Variants in ITIH5 observed in about 807,000 individuals in gnomAD.
The protein encoded by ITIH5 is inter-alpha-trypsin inhibitor heavy chain H5.
A neutral mutation model predicts 77.5 loss-of-function variants in ITIH5; 65 were observed. The ratio of observed to expected loss-of-function variants is 0.84; its 90% CI spans 0.69 to 1.03. ITIH5 has a LOEUF of 1.03. Ranked by LOEUF, ITIH5 falls within the 50% of genes least tolerant of loss-of-function variation. The pLI is 0.00. For synonymous variants in ITIH5, 525 were observed against 494.3 expected (o/e 1.06, Z -0.82); for missense variants, 1,208 against 1,213.1 (o/e 1.00, Z 0.06).
rs745843621 is a variant in ITIH5 at position 7,576,445 on chromosome 10, C to G, written c.1978+8G>C. On this transcript the variant is annotated splice_region_variant and intron_variant, in intron 10 of 13. Coordinates refer to ENST00000397146, the MANE Select transcript of ITIH5 (RefSeq NM_030569.7). ...CCCCCACACCTGGCTGGCACAGGTG[C>G]CTCGTACCTGGCTGCGTGCCAGCTC... is the stretch of plus-strand genomic sequence containing the variant. 6 of 1,561,958 alleles carry G rather than the reference C, an allele frequency of 3.8e-6. No individual in the cohort carries two copies. In the African/African-American group the frequency reaches 6.7e-5, roughly 18 times the overall value.
intron 2 of ITIH5, among the ~76,000 whole-genome samples, chr10:7,653,349 G>A (rs1036102386): frequency 3.3e-5 from 5 of 152,092 alleles, no homozygotes; most frequent in Non-Finnish European, 7.3e-5. Flanking sequence ...TGGGATTACA[G>A]GCATACACCA....
At chr10:7,609,711 C>T (rs772903942) in intron 7 of ITIH5, among the ~76,000 whole-genome samples, 8 of 152,166 alleles carry the variant, frequency 5.3e-5, no homozygotes, top group African/African-American at 9.7e-5. Flanking sequence ...TCAAAGGCTA[C>T]GTGGGAACCC....
intron 7 of ITIH5, among the ~76,000 whole-genome samples, chr10:7,612,164 A>T (rs548077922): frequency 7.9e-5 from 12 of 152,228 alleles, no homozygotes; most frequent in Non-Finnish European, 1.5e-4. Context: ...ACATGAAGAC[A>T]GTCATCCCGA....
rs755157309 is a variant in ITIH5, at chr10:7,666,788, C to G, written c.90+15G>C. The G allele has an allele frequency of 6.9e-5, 111 of 1,598,720 alleles. No homozygotes were observed. Among genetic ancestry groups the G allele is most frequent in the Non-Finnish European group, 8.4e-5 (98 of 1,172,820 alleles). On this transcript the variant is annotated intron_variant, in intron 1 of 13. Coordinates refer to ENST00000397146, the MANE Select transcript of ITIH5 (RefSeq NM_030569.7). ...CGGCCGCGCCCGGGACCCGGCTCCC[C>G]TCGGCTCCACTTACCTGCTCCGAAG...
rs1833357730 is a variant in ITIH5, at chr10:7,616,016, C to T, written c.905G>A (p.Ser302Asn). Residue 302 changes from serine to asparagine, a missense_variant, in exon 7 of 14, where the codon AGC (serine) becomes AAC (asparagine). By Grantham distance (46) the Ser-to-Asn change is conservative (BLOSUM62 1). Coordinates refer to ENST00000397146, the MANE Select transcript of ITIH5 (RefSeq NM_030569.7). ...LPKNVVFVLD[S>N]SASMVGTKLR... The stretch of plus-strand genomic sequence containing the variant: ...TTTGGTTCCCACCATAGAAGCACTG[C>T]TGTCAAGCACGAATACCACATTCTT... 1 of 1,612,744 alleles carries T rather than the reference C, an allele frequency of 6.2e-7. No homozygotes were observed. Among genetic ancestry groups the T allele is most frequent in the South Asian group, 1.1e-5 (1 of 91,014 alleles).
intron 1 of ITIH5, 35 bp downstream of exon 1, chr10:7,666,768 G>T: frequency 6.4e-7 from 1 of 1,568,812 alleles, no homozygotes; most frequent in Non-Finnish European, 8.7e-7. Context: ...GGGGGCGGCC[G>T]CGCCCGGGAC....
rs959977872 is a variant in ITIH5 at position 7,586,041 on chromosome 10, T to C, written c.968A>G (p.His323Arg). Residue 323 changes from histidine (H) to arginine (R), a missense_variant, in exon 8 of 14, where the codon CAT (histidine) becomes CGT (arginine). Physicochemically the swap from His to Arg is conservative, Grantham distance 29. Coordinates refer to ENST00000397146, the MANE Select transcript of ITIH5 (RefSeq NM_030569.7). The part of the protein sequence containing the change: ...QTKDALFTIL[H>R]DLRPQDRFSI... Reference sequence around the variant, plus strand: ...GAAACGGTCCTGGGGTCGGAGGTCATGGAGAATTGTGAAGAGGGCATCCTT... The same window carrying C: ...GAAACGGTCCTGGGGTCGGAGGTCACGGAGAATTGTGAAGAGGGCATCCTT... The C allele has an allele frequency of 3.7e-6, 6 of 1,613,528 alleles. No homozygotes were observed. In the East Asian group the frequency reaches 1.1e-4, roughly 30 times the overall value.
At chr10:7,573,966 T>C (rs184972291) in intron 10 of ITIH5, among the ~76,000 whole-genome samples, 10 of 152,266 alleles carry the variant, frequency 6.6e-5, no homozygotes, top group Admixed American at 3.9e-4. Flanking sequence ...CTTACCAGCA[T>C]TGAACTGTAC....
At position 7,559,863 on chromosome 10, in the gene ITIH5, T is replaced by G. The variant is rs756367280; in HGVS notation, c.*3220A>C. 9 of 411,008 alleles carry G rather than the reference T, an allele frequency of 2.2e-5. No individual in the cohort carries two copies. The highest frequency in any genetic ancestry group is 8.1e-5 in the East Asian group (1 of 12,332). 25.5% of individuals were successfully genotyped at this position (411,008 alleles called of 1,614,324 possible). On this transcript the variant is annotated 3_prime_UTR_variant, in exon 14 of 14. Transcript: ENST00000397146. ...CATGTCTTTTTTTTGTTTTGTTTTG[T>G]TTTTTTTTGACGGAGTTTGGCTCTG...
Position 7,559,819 on chromosome 10 carries a change from G to A in ITIH5, c.*3264C>T, listed in dbSNP as rs1195667012. ...TCATCGTATCCCCAGGTGGTGGAGA[G>A]GAAAAACACCATCTCTCCCATGTCT... On this transcript the variant is annotated 3_prime_UTR_variant, in exon 14 of 14. Transcript: ENST00000397146. 6.6e-6 allele frequency: 3 copies of A among 455,332 alleles called. No individual in the cohort carries two copies. The highest frequency in any genetic ancestry group is 3.1e-5 in the South Asian group (2 of 64,360). 28.2% of individuals were successfully genotyped at this position (455,332 alleles called of 1,614,324 possible).
chr10:7,638,977 G>A (rs757870048), intron 4 of ITIH5, among the ~76,000 whole-genome samples: 1 of 152,130 alleles, frequency 6.6e-6, no homozygotes, highest in Non-Finnish European at 1.5e-5. Flanking sequence ...CTCGCTAGAT[G>A]TTATATCATT....
At chr10:7,607,411 C>G (rs563957518) in intron 7 of ITIH5, among the ~76,000 whole-genome samples, 4 of 152,266 alleles carry the variant, frequency 2.6e-5, no homozygotes, top group Admixed American at 6.5e-5. Context: ...CTTTGGAAGC[C>G]AAGGTGGGAG....
intron 11 of ITIH5, 28 bp from the exon 12 acceptor site, chr10:7,569,812 AAAAG>A (rs1428933506): frequency 9.1e-6 from 13 of 1,423,664 alleles, no homozygotes; most frequent in African/African-American, 4.3e-5. Context: ...AACGGAGAGA[AAAAG>A]AAAGACACTT....
chr10:7,666,160 C>T (rs1834357675), intron 1 of ITIH5, among the ~76,000 whole-genome samples: 1 of 152,214 alleles, frequency 6.6e-6, no homozygotes, highest in Non-Finnish European at 1.5e-5. Flanking sequence ...GACAAAAATG[C>T]TCTATTCATC....
intron 7 of ITIH5, among the ~76,000 whole-genome samples, chr10:7,599,832 G>C (rs970135238): frequency 2.0e-5 from 3 of 152,164 alleles, no homozygotes; most frequent in Non-Finnish European, 4.4e-5. Context: ...GGAAGTGGAG[G>C]CCCCTCCACC....
chr10:7,653,943 T>C (rs947094878), intron 2 of ITIH5, among the ~76,000 whole-genome samples: 3 of 152,142 alleles, frequency 2.0e-5, no homozygotes, highest in Non-Finnish European at 4.4e-5. Context: ...TCACCTGAGG[T>C]CAGGAGTTTG....
intron 9 of ITIH5, among the ~76,000 whole-genome samples, chr10:7,577,578 C>G (rs1487920044): frequency 6.6e-6 from 1 of 152,256 alleles, no homozygotes; most frequent in African/African-American, 2.4e-5. Flanking sequence ...TTAAGCAGCG[C>G]ATTCTACTTC....
rs116801202 is a variant in ITIH5, at chr10:7,663,980, T to A, written c.90+2823A>T. Among the ~76,000 whole-genome samples, 1,047 of 152,328 alleles carry A rather than the reference T, an allele frequency of 6.9e-3. 16 individuals carry two copies. Among genetic ancestry groups the A allele is most frequent in the African/African-American group, 0.023 (974 of 41,564 alleles). ...GCTTTGATAATAATGGGAATATAACTCTATCTTTAAAGACACCATATAAAT... is the reference window on the plus strand; with the variant it reads ...GCTTTGATAATAATGGGAATATAACACTATCTTTAAAGACACCATATAAAT... On this transcript the variant is annotated intron_variant, in intron 1 of 13. Coordinates refer to ENST00000397146, the MANE Select transcript of ITIH5 (RefSeq NM_030569.7).
rs1322030681 is a variant in ITIH5, at chr10:7,559,930, C to T, written c.*3153G>A. 2 of 440,502 alleles carry T rather than the reference C, an allele frequency of 4.5e-6. No individual in the cohort carries two copies. The highest frequency in any genetic ancestry group is 2.1e-5 in the African/African-American group (1 of 48,708). 27.3% of individuals were successfully genotyped at this position (440,502 alleles called of 1,614,324 possible). A position where few individuals can be genotyped will look rare whatever the true frequency, so the allele number is the denominator to read the frequency against. On this transcript the variant is annotated 3_prime_UTR_variant, in exon 14 of 14. Transcript: ENST00000397146. ...GCAGTGGCGTGATCTTGGCTCACTA[C>T]AAGTTCCGACTGCCTGGTTCAAGCG...
Sources: gnomAD v4.1 joint callset for allele counts (sites outside exome capture counted in the v4.1 genomes callset) on GRCh38, gnomAD v4.1.1 for gene constraint, MANE v1.5 for transcripts, NCBI Gene and HGNC (gene_info 2026-07-23, HGNC 2026-07-21) for gene names.